Variants in CTDSPL2 observed in about 807,000 individuals in gnomAD.
CTDSPL2 encodes the protein CTD small phosphatase like 2.
A neutral mutation model predicts 60.0 loss-of-function variants in CTDSPL2; 5 were observed. The ratio of observed to expected loss-of-function variants is 0.08; its 90% CI spans 0.04 to 0.18. The LOEUF is 0.18. Ranked by LOEUF, CTDSPL2 falls within the 10% of genes least tolerant of loss-of-function variation. The pLI is 1.00. For missense variants in CTDSPL2, 370 were observed against 548.8 expected, an observed-to-expected ratio of 0.67 and a Z score of 3.26; for synonymous variants, 186 against 189.3, an observed-to-expected ratio of 0.98 and a Z score of 0.14.
Position 44,514,821 on chromosome 15 carries a change from A to G in CTDSPL2, c.1089A>G (p.Leu363=), listed in dbSNP as rs753987507. ...ATGCAGACAAGTTACTGAACATACT[A>G]GACCCTAAAAAGCAACTGGTCAGGT... ...KVYADKLLNI[L]DPKKQLVRHR... Residue 363 remains leucine, a synonymous_variant, in exon 10 of 13, where the codon CTA becomes CTG. Coordinates refer to ENST00000260327, the MANE Select transcript of CTDSPL2 (RefSeq NM_016396.3). The G allele has an allele frequency of 3.8e-6, 6 of 1,597,732 alleles. No homozygotes were observed. The highest frequency in any genetic ancestry group is 3.4e-6 in the Non-Finnish European group (4 of 1,170,062).
At chr15:44,456,502 C>T (rs890125468) in intron 1 of CTDSPL2, among the ~76,000 whole-genome samples, 8 of 152,268 alleles carry the variant, frequency 5.3e-5, no homozygotes, top group Middle Eastern at 3.4e-3. Flanking sequence ...TTATCCATTT[C>T]TTCTAGATTT....
chr15:44,434,069 T>C (rs2141258287), intron 1 of CTDSPL2, among the ~76,000 whole-genome samples: 1 of 151,644 alleles, frequency 6.6e-6, no homozygotes, highest in South Asian at 2.1e-4. Context: ...AGAAAAATCA[T>C]TGTTATTTAT....
chr15:44,443,561 A>ATTTTTAT (rs2080137429), intron 1 of CTDSPL2, among the ~76,000 whole-genome samples: 1 of 152,124 alleles, frequency 6.6e-6, no homozygotes. Flanking sequence ...CTTGCCGGCA[A>ATTTTTAT]TTTTTATTTT....
At chr15:44,496,558 G>A (rs1489986356) in intron 6 of CTDSPL2, 100 bp downstream of exon 6, 2 of 875,680 alleles carry the variant, frequency 2.3e-6, no homozygotes, top group African/African-American at 1.7e-5. Context: ...GCCAAGATAT[G>A]TGACCTGTAG....
intron 3 of CTDSPL2, 134 bp from the exon 4 acceptor site, chr15:44,486,417 T>G: frequency 1.6e-6 from 1 of 611,040 alleles, no homozygotes; most frequent in Non-Finnish European, 2.7e-6. Flanking sequence ...TAAGCTTTCC[T>G]GAACATTAAC....
intron 4 of CTDSPL2, among the ~76,000 whole-genome samples, chr15:44,489,423 G>A (rs1055123244): frequency 6.6e-6 from 1 of 152,084 alleles, no homozygotes; most frequent in African/African-American, 2.4e-5. Flanking sequence ...TTTGAGGGAC[G>A]TGTTTGGAAT....
intron 2 of CTDSPL2, among the ~76,000 whole-genome samples, chr15:44,472,347 CTTGTAATTGTCTGTCTT>C (rs1162551864): frequency 6.6e-6 from 1 of 152,102 alleles, no homozygotes; most frequent in African/African-American, 2.4e-5. Flanking sequence ...ACAATCAACA[CTTGTAATTGTCTGTCTT>C]TTTTATTATA....
At chr15:44,462,793 G>T (rs2080601641) in intron 2 of CTDSPL2, among the ~76,000 whole-genome samples, 1 of 142,630 alleles carries the variant, frequency 7.0e-6, no homozygotes, top group African/African-American at 2.7e-5. Flanking sequence ...TGCAACCTCT[G>T]CCTCTTGGGT....
In CTDSPL2 at chr15:44,506,805, C is replaced by T. The variant is rs146061800; in HGVS notation, c.969+6992C>T. Among the ~76,000 whole-genome samples the T allele has an allele frequency of 1.7e-3, 261 of 151,838 alleles. 3 individuals carry two copies. Among genetic ancestry groups the T allele is most frequent in the African/African-American group, 5.8e-3 (241 of 41,392 alleles). Reference sequence around the variant, plus strand: ...TTTTTGAGACAGAGTCTCGCTCTGTCGCCCAGGCTGGAATGCAGTGGCACA... The same window carrying T: ...TTTTTGAGACAGAGTCTCGCTCTGTTGCCCAGGCTGGAATGCAGTGGCACA... On this transcript the variant is annotated intron_variant, in intron 8 of 12. Transcript: ENST00000260327.
intron 11 of CTDSPL2, chr15:44,520,901 T>A (rs1373964883): frequency 6.6e-6 from 1 of 152,642 alleles, no homozygotes; most frequent in East Asian, 1.9e-4. Flanking sequence ...TCACTGTATT[T>A]AAGGGGAAAA....
chr15:44,471,757 C>G (rs888943888), intron 2 of CTDSPL2, among the ~76,000 whole-genome samples: 1 of 152,142 alleles, frequency 6.6e-6, no homozygotes, highest in South Asian at 2.1e-4. Context: ...AAAGAAACCT[C>G]TAGCTCCTAA....
intron 1 of CTDSPL2, among the ~76,000 whole-genome samples, chr15:44,450,675 C>T (rs1461757842): frequency 7.0e-6 from 1 of 142,110 alleles, no homozygotes; most frequent in African/African-American, 2.7e-5. Flanking sequence ...TGGCTCACTG[C>T]AACCTCCGCC....
chr15:44,524,329 A>C lies in CTDSPL2; in HGVS notation c.*155A>C. On this transcript the variant is annotated 3_prime_UTR_variant, in exon 13 of 13. Transcript: ENST00000260327. ...CCCAATAATAATTAAGGGTTACAGA[A>C]AGAGACTTTATCTATCTCAGATCGA... 1.6e-6 allele frequency: 1 copy of C among 631,382 alleles called. No individual in the cohort carries two copies. The highest frequency in any genetic ancestry group is 2.8e-6 in the Non-Finnish European group (1 of 356,152). The allele number at this position is 631,382 out of a possible 1,614,324, so 39.1% of individuals were successfully genotyped here.
intron 2 of CTDSPL2, among the ~76,000 whole-genome samples, chr15:44,479,547 A>G (rs934261979): frequency 2.7e-5 from 4 of 150,448 alleles, no homozygotes; most frequent in South Asian, 4.2e-4. Flanking sequence ...TGCAGGGACT[A>G]TAGGCACATG....
chr15:44,500,348 T>C (rs928798516), intron 8 of CTDSPL2, among the ~76,000 whole-genome samples: 1 of 152,214 alleles, frequency 6.6e-6, no homozygotes, highest in African/African-American at 2.4e-5. Context: ...TCTGTGCTGA[T>C]GGACAGGTAA....
At chr15:44,444,840 T>TG (rs2080173414) in intron 1 of CTDSPL2, among the ~76,000 whole-genome samples, 1 of 112,942 alleles carries the variant, frequency 8.9e-6, no homozygotes, top group Non-Finnish European at 1.8e-5. Context: ...AATGTAGTTT[T>TG]TTTTTTTTTT....
At chr15:44,513,173 AT>A (rs2081593998) in intron 8 of CTDSPL2, among the ~76,000 whole-genome samples, 1 of 151,056 alleles carries the variant, frequency 6.6e-6, no homozygotes, top group Non-Finnish European at 1.5e-5. Flanking sequence ...ATCATTCAAA[AT>A]TTGTCTTCTG....
chr15:44,463,830 G>A (rs909055270), intron 2 of CTDSPL2, among the ~76,000 whole-genome samples: 2 of 152,054 alleles, frequency 1.3e-5, no homozygotes, highest in Non-Finnish European at 2.9e-5. Context: ...TTCAAAATTT[G>A]GGTAGGAGTT....
intron 1 of CTDSPL2, among the ~76,000 whole-genome samples, chr15:44,445,918 T>C (rs1400304180): frequency 1.3e-5 from 2 of 151,002 alleles, no homozygotes; most frequent in Non-Finnish European, 2.9e-5. Context: ...ATTACAGGCG[T>C]GAGCCACTGT....
Sources: allele counts gnomAD v4.1 joint callset (sites outside exome capture counted in the v4.1 genomes callset), GRCh38; gene constraint gnomAD v4.1.1; transcripts MANE v1.5; gene names NCBI Gene and HGNC (gene_info 2026-07-23, HGNC 2026-07-21).